The following CACNG2 variants were observed in gnomAD, a reference collection of about 807,000 sequenced individuals.
CACNG2 encodes the protein voltage-dependent calcium channel gamma-2 subunit.
A neutral mutation model predicts 25.9 loss-of-function variants in CACNG2; 3 were observed. That is an observed-to-expected ratio of 0.12 (90% CI 0.05 to 0.30). The LOEUF is 0.30. CACNG2 is among the 10% of genes least tolerant of loss of function. The probability of loss-of-function intolerance (pLI) is 1.00; values close to 1 mark genes in which losing one functional copy is unlikely to be tolerated. For missense variants in CACNG2, 341 were observed against 432.5 expected (o/e 0.79, Z 1.88); for synonymous variants, 167 against 173.3 (o/e 0.96, Z 0.29).
At chr22:36,570,677 A>T (rs8137598) in intron 2 of CACNG2, among the ~76,000 whole-genome samples, 2 of 148,912 alleles carry the variant, frequency 1.3e-5, no homozygotes, top group African/African-American at 5.0e-5. Flanking sequence ...GCAGGAAGAT[A>T]GCTTCAACTT....
At chr22:36,631,421 G>T (rs1446614302) in intron 1 of CACNG2, among the ~76,000 whole-genome samples, 1 of 152,126 alleles carries the variant, frequency 6.6e-6, no homozygotes, top group Non-Finnish European at 1.5e-5. Context: ...CTCTGTGTCA[G>T]CAGTGTCCTT....
chr22:36,691,364 T>C (rs1287534510), intron 1 of CACNG2, among the ~76,000 whole-genome samples: 4 of 152,226 alleles, frequency 2.6e-5, no homozygotes, highest in African/African-American at 2.4e-5. Context: ...GCAAGGAGAC[T>C]GATGTCCTTG....
chr22:36,567,399 G>C (rs1935143663), intron 2 of CACNG2, among the ~76,000 whole-genome samples: 2 of 152,160 alleles, frequency 1.3e-5, no homozygotes, highest in Non-Finnish European at 2.9e-5. Context: ...TCTGCCAATA[G>C]AAGCTCATTA....
rs754196562 is a variant in CACNG2 at position 36,564,694 on chromosome 22, G to A, written c.629C>T (p.Ala210Val). Reference sequence around the variant, plus strand: ...GAGGTAGTCCGTGGCGCGGGCCGTGGCCCGCAGCTGTTTGTGCCGGTCGAT... The same window carrying A: ...GAGGTAGTCCGTGGCGCGGGCCGTGACCCGCAGCTGTTTGTGCCGGTCGAT... ...MFIDRHKQLR[A>V]TARATDYLQA... The change falls in exon 4 of 4, where the codon GCC becomes GTC. Residue 210 changes from alanine (A) to valine (V), a missense_variant. Physicochemically the swap from Ala to Val is moderately conservative, Grantham distance 64 (BLOSUM62 0). This residue lies in a region of CACNG2 where 172 missense variants were observed against 178.1 expected (regional missense o/e 0.97). Coordinates refer to ENST00000300105, the MANE Select transcript of CACNG2 (RefSeq NM_006078.5). The surrounding 1 kb of genome is among the most constrained non-coding windows in gnomAD (Gnocchi z 6.7). 2.7e-5 allele frequency: 44 copies of A among 1,613,936 alleles called. 1 individual carries two copies. In the South Asian group the frequency reaches 4.8e-4, roughly 18 times the overall value.
At chr22:36,595,758 G>A (rs770801574) in intron 1 of CACNG2, among the ~76,000 whole-genome samples, 1 of 152,150 alleles carries the variant, frequency 6.6e-6, no homozygotes, top group South Asian at 2.1e-4. Context: ...TCAGCTAAGG[G>A]GCTCAACAAC....
intron 1 of CACNG2, among the ~76,000 whole-genome samples, chr22:36,626,798 G>A (rs1012772005): frequency 2.0e-5 from 3 of 152,232 alleles, no homozygotes; most frequent in African/African-American, 7.2e-5. Context: ...GGGAGATCTT[G>A]GCCTCAGTCT....
rs567225657 is a variant in CACNG2 at position 36,601,857 on chromosome 22, T to A, written c.212-14309A>T. Among the ~76,000 whole-genome samples, 4 of 152,346 alleles carry A rather than the reference T, an allele frequency of 2.6e-5. No individual in the cohort carries two copies. In the East Asian group the frequency reaches 7.7e-4, roughly 29 times the overall value. On this transcript the variant is annotated intron_variant, in intron 1 of 3. Transcript: ENST00000300105. ...CCAGAAGACATATTGCTGGGTCATA[T>A]GGGAGTTCTATTTTTATTTTTTTTT...
chr22:36,643,702 C>T (rs142405684), intron 1 of CACNG2, among the ~76,000 whole-genome samples: 1 of 152,202 alleles, frequency 6.6e-6, no homozygotes, highest in Non-Finnish European at 1.5e-5. Context: ...AGCTCCCTGA[C>T]AGCCAAAGCA....
chr22:36,651,599 G>C (rs977062063), intron 1 of CACNG2, among the ~76,000 whole-genome samples: 32 of 152,136 alleles, frequency 2.1e-4, no homozygotes, highest in African/African-American at 7.5e-4. Flanking sequence ...TATGTTAGTT[G>C]ATCCTAGAAA....
chr22:36,673,423 A>T (rs1294643342), intron 1 of CACNG2, among the ~76,000 whole-genome samples: 2 of 152,238 alleles, frequency 1.3e-5, no homozygotes, highest in South Asian at 2.1e-4. Flanking sequence ...AACTATCAGT[A>T]AACCTTTGTG....
intron 1 of CACNG2, among the ~76,000 whole-genome samples, chr22:36,686,067 G>A (rs761491): frequency 0.6 from 91,381 of 151,958 alleles, 28,275 homozygotes; most frequent in East Asian, 0.77. Flanking sequence ...GAAGCACAAG[G>A]AAGTGTCTGG....
At chr22:36,680,010 C>T (rs1937076863) in intron 1 of CACNG2, among the ~76,000 whole-genome samples, 1 of 151,884 alleles carries the variant, frequency 6.6e-6, no homozygotes, top group Non-Finnish European at 1.5e-5. Context: ...TGATCACCAC[C>T]ACCTGCACCA....
intron 1 of CACNG2, among the ~76,000 whole-genome samples, chr22:36,643,690 G>A (rs574880349): frequency 3.9e-5 from 6 of 152,300 alleles, no homozygotes; most frequent in African/African-American, 7.2e-5. Context: ...CTGTGCAACC[G>A]AAGCTCCCTG....
chr22:36,606,466 C>G lies in CACNG2; in HGVS notation c.212-18918G>C, dbSNP rs148518450. Among the ~76,000 whole-genome samples the G allele has an allele frequency of 6.6e-6, 1 of 152,146 alleles. No homozygotes were observed. The highest frequency in any genetic ancestry group is 1.5e-5 in the Non-Finnish European group (1 of 68,030). ...AAGTGAAAGAGCTGGGCTCTGACCC[C>G]GGGCAGGAGGTTCTAGGTGACTGCT... On this transcript the variant is annotated intron_variant, in intron 1 of 3. Transcript: ENST00000300105. This position sits in a 1 kb window ranked among gnomAD's most constrained non-coding sequence, Gnocchi z 5.7.
chr22:36,611,664 G>A (rs2145941788), intron 1 of CACNG2, among the ~76,000 whole-genome samples: 1 of 152,276 alleles, frequency 6.6e-6, no homozygotes, highest in African/African-American at 2.4e-5. Context: ...CCCTCCACTG[G>A]GATCTCTTGA....
chr22:36,650,693 A>G lies in CACNG2; in HGVS notation c.211+51673T>C, dbSNP rs527746248. ...CACCTAGCCCATTCTATTTATTTTTATTTTTTGTAGAGATGGGGGTGTCAC... is the reference window on the plus strand; with the variant it reads ...CACCTAGCCCATTCTATTTATTTTTGTTTTTTGTAGAGATGGGGGTGTCAC... On this transcript the variant is annotated intron_variant, in intron 1 of 3. Coordinates refer to ENST00000300105, the MANE Select transcript of CACNG2 (RefSeq NM_006078.5). 9.1e-4 allele frequency among the ~76,000 whole-genome samples: 139 copies of G among 152,172 alleles called. 1 individual carries two copies. The South Asian group carries it at 0.027, about 30-fold the overall frequency.
chr22:36,579,316 A>G (rs1254102171), intron 2 of CACNG2, among the ~76,000 whole-genome samples: 1 of 149,260 alleles, frequency 6.7e-6, no homozygotes, highest in Non-Finnish European at 1.5e-5. Flanking sequence ...AGGCAGGAGA[A>G]TCACTTGAAC....
At chr22:36,692,735 G>A (rs1184414201) in intron 1 of CACNG2, among the ~76,000 whole-genome samples, 2 of 152,190 alleles carry the variant, frequency 1.3e-5, no homozygotes, top group Non-Finnish European at 2.9e-5. Context: ...AATTAGACAA[G>A]ACTTTGGGGA....
intron 1 of CACNG2, among the ~76,000 whole-genome samples, chr22:36,679,201 T>C (rs6000385): frequency 0.012 from 854 of 68,980 alleles, 7 homozygotes; most frequent in African/African-American, 0.022. Flanking sequence ...TTCCTTCCTT[T>C]CTTTCTTTCT....
Sources: allele counts gnomAD v4.1 joint callset (sites outside exome capture counted in the v4.1 genomes callset), GRCh38; gene constraint gnomAD v4.1.1; regional missense constraint gnomAD v4.1.1; non-coding constraint Gnocchi (gnomAD v3.1); transcripts MANE v1.5; gene names NCBI Gene and HGNC (gene_info 2026-07-23, HGNC 2026-07-21).